The following ERICH6B variants were observed in gnomAD, a reference collection of about 807,000 sequenced individuals.
ERICH6B encodes glutamate rich 6B, also known as glutamate-rich protein 6B.
ERICH6B carries 69 observed loss-of-function variants against 80.0 expected under a neutral mutation model. The observed-to-expected ratio is 0.86, with a 90% CI of 0.71 to 1.05. The LOEUF is 1.05. Among genes scored for constraint, ERICH6B ranks in the 50% least tolerant of loss-of-function variants. The pLI, the probability that ERICH6B is intolerant of heterozygous loss-of-function variation, is 0.00. For synonymous variants in ERICH6B, 283 were observed against 291.9 expected (o/e 0.97, Z 0.31); for missense variants, 754 against 796.1 (o/e 0.95, Z 0.64).
intron 8 of ERICH6B, among the ~76,000 whole-genome samples, chr13:45,572,457 C>T (rs1396401991): frequency 2.0e-5 from 3 of 152,184 alleles, no homozygotes; most frequent in Non-Finnish European, 2.9e-5. Context: ...AGATCTCCTA[C>T]GCCATATTGT....
intron 14 of ERICH6B, 38 bp downstream of exon 14, chr13:45,544,722 C>A (rs1194192745): frequency 6.6e-7 from 1 of 1,524,856 alleles, no homozygotes; most frequent in Non-Finnish European, 8.9e-7. Context: ...CAGGTGGGCA[C>A]CCCACCTGGT....
At chr13:45,579,130 A>G (rs1293444972) in intron 7 of ERICH6B, among the ~76,000 whole-genome samples, 2 of 152,230 alleles carry the variant, frequency 1.3e-5, no homozygotes, top group African/African-American at 4.8e-5. Flanking sequence ...CTGCACATTA[A>G]AGTTTGAACA....
chr13:45,571,473 G>A (rs942174214), intron 8 of ERICH6B, among the ~76,000 whole-genome samples: 1 of 152,064 alleles, frequency 6.6e-6, no homozygotes, highest in Non-Finnish European at 1.5e-5. Context: ...AGCTAATGCT[G>A]GAATGTTTTT....
chr13:45,566,105 A>G (rs1452742174), intron 9 of ERICH6B, among the ~76,000 whole-genome samples: 1 of 152,150 alleles, frequency 6.6e-6, no homozygotes, highest in Non-Finnish European at 1.5e-5. Context: ...CCTGCCCTAG[A>G]GATTTGTGAA....
At chr13:45,606,496 AGT>A (rs1463551726) in intron 2 of ERICH6B, among the ~76,000 whole-genome samples, 2 of 15,386 alleles carry the variant, frequency 1.3e-4, no homozygotes, top group African/African-American at 4.5e-4. Flanking sequence ...AGATCCCAAA[AGT>A]GTATGTGTAT....
intron 8 of ERICH6B, among the ~76,000 whole-genome samples, chr13:45,573,990 G>A (rs547040274): frequency 2.6e-5 from 4 of 152,240 alleles, no homozygotes; most frequent in African/African-American, 9.6e-5. Flanking sequence ...GTAATACGGT[G>A]CTGTAGAGAG....
At chr13:45,609,369 C>T (rs1949886740) in intron 1 of ERICH6B, among the ~76,000 whole-genome samples, 1 of 152,184 alleles carries the variant, frequency 6.6e-6, no homozygotes, top group Non-Finnish European at 1.5e-5. Context: ...TGAAGATCTT[C>T]CAACACCTGG....
intron 7 of ERICH6B, 58 bp downstream of exon 7, chr13:45,579,875 C>T (rs375257773): frequency 1.2e-5 from 18 of 1,527,588 alleles, no homozygotes; most frequent in Middle Eastern, 1.7e-4. Flanking sequence ...GCACCTTCCC[C>T]ACCCAGGGCA....
intron 7 of ERICH6B, among the ~76,000 whole-genome samples, chr13:45,577,774 G>A (rs899688630): frequency 1.3e-5 from 2 of 151,990 alleles, no homozygotes; most frequent in Admixed American, 6.6e-5. Flanking sequence ...TAAATTTTTT[G>A]TAGAGATGAG....
chr13:45,583,666 C>A (rs1325607518), intron 5 of ERICH6B, among the ~76,000 whole-genome samples: 1 of 152,112 alleles, frequency 6.6e-6, no homozygotes, highest in African/African-American at 2.4e-5. Context: ...GCGGTTTCCC[C>A]CATACTGTTC....
At chr13:45,585,092 A>C (rs951935336) in intron 5 of ERICH6B, among the ~76,000 whole-genome samples, 1 of 152,166 alleles carries the variant, frequency 6.6e-6, no homozygotes, top group Non-Finnish European at 1.5e-5. Context: ...TCCTTGGTTC[A>C]TTTGGGACTT....
Position 45,587,220 on chromosome 13 carries a change from A to G in ERICH6B, c.699T>C (p.Ala233=). ...AGAAGGTGGTCACCTGAGAGGGGCC[A>G]GCGTCTGGACTCCTGTCAGAGGGGA... The part of the protein sequence containing the change: ...MLLRDARSPD[A]GPSQVTTFLT... Residue 233 remains alanine, a synonymous_variant, in exon 5 of 15, where the codon GCT becomes GCC. Transcript: ENST00000298738. The G allele has an allele frequency of 6.4e-7, 1 of 1,551,682 alleles. No homozygotes were observed. Among genetic ancestry groups the G allele is most frequent in the Non-Finnish European group, 8.7e-7 (1 of 1,146,978 alleles).
At chr13:45,553,612 C>T (rs1276896139) in intron 11 of ERICH6B, among the ~76,000 whole-genome samples, 2 of 152,136 alleles carry the variant, frequency 1.3e-5, no homozygotes, top group African/African-American at 4.8e-5. Flanking sequence ...ACTGACCTTA[C>T]AAAATATGCA....
At chr13:45,569,315 G>T (rs867494414) in intron 8 of ERICH6B, among the ~76,000 whole-genome samples, 13 of 152,242 alleles carry the variant, frequency 8.5e-5, no homozygotes, top group Middle Eastern at 6.8e-3. Context: ...TAGTAGAGAT[G>T]GGATTTCACC....
At chr13:45,556,219 T>C (rs1474911483) in intron 11 of ERICH6B, among the ~76,000 whole-genome samples, 1 of 152,044 alleles carries the variant, frequency 6.6e-6, no homozygotes, top group African/African-American at 2.4e-5. Flanking sequence ...ATAAGCTCCA[T>C]GGGAGAGAAG....
chr13:45,599,440 A>G (rs186582300), intron 2 of ERICH6B, among the ~76,000 whole-genome samples: 23 of 152,362 alleles, frequency 1.5e-4, no homozygotes, highest in African/African-American at 5.5e-4. Context: ...TGATTCATGA[A>G]TAGAACCATT....
chr13:45,550,395 A>T (rs1428559320), intron 11 of ERICH6B, 79 bp from the exon 12 acceptor site: 1 of 1,209,222 alleles, frequency 8.3e-7, no homozygotes, highest in Non-Finnish European at 1.2e-6. Flanking sequence ...CACGGTGTGG[A>T]CCCCATCTGC....
At chr13:45,606,549 T>A (rs4097308) in intron 2 of ERICH6B, among the ~76,000 whole-genome samples, 506 of 17,694 alleles carry the variant, frequency 0.029, 1 homozygote, top group South Asian at 0.075. Context: ...ATATATATAT[T>A]TTTTTTTTTT....
chr13:45,578,197 A>G (rs182091896), intron 7 of ERICH6B, among the ~76,000 whole-genome samples: 13 of 152,272 alleles, frequency 8.5e-5, no homozygotes, highest in African/African-American at 3.1e-4. Flanking sequence ...ATATCTGATC[A>G]CCTGACCCAT....
Sources: allele counts gnomAD v4.1 joint callset (sites outside exome capture counted in the v4.1 genomes callset), GRCh38; gene constraint gnomAD v4.1.1; transcripts MANE v1.5; gene names NCBI Gene and HGNC (gene_info 2026-07-23, HGNC 2026-07-21).